PLD5: variants seen among roughly 807,000 people sequenced by gnomAD.
The protein encoded by PLD5 is inactive phospholipase D5.
Under a neutral mutation model 61.1 loss-of-function variants are expected in PLD5, and 36 were observed. That is an observed-to-expected ratio of 0.59 (90% CI 0.45 to 0.78). The LOEUF (loss-of-function observed/expected upper bound fraction) is 0.78, where lower values mean the gene tolerates loss of function less well. Among genes scored for constraint, PLD5 ranks in the 30% least tolerant of loss-of-function variants. The pLI, the probability that PLD5 is intolerant of heterozygous loss-of-function variation, is 0.00. For missense variants in PLD5, 515 were observed against 644.4 expected (o/e 0.80, Z 2.17); for synonymous variants, 243 against 242.8 (o/e 1.00, Z -0.01).
chr1:242,319,845 CT>C (rs1348790517), intron 2 of PLD5, among the ~76,000 whole-genome samples: 3 of 152,342 alleles, frequency 2.0e-5, no homozygotes, highest in South Asian at 2.1e-4. Flanking sequence ...CCTCTACCCC[CT>C]CTCACATGTA....
At chr1:242,475,422 CAAAAAA>C (rs5782239) in intron 1 of PLD5, among the ~76,000 whole-genome samples, 1 of 91,502 alleles carries the variant, frequency 1.1e-5, no homozygotes, top group African/African-American at 4.1e-5. Flanking sequence ...GACTCCGTCT[CAAAAAA>C]AAAAAAAAAA....
chr1:242,276,547 AG>A (rs1254369046), intron 3 of PLD5, among the ~76,000 whole-genome samples: 1 of 150,670 alleles, frequency 6.6e-6, no homozygotes, highest in African/African-American at 2.4e-5. Flanking sequence ...TAAGAGAGAG[AG>A]GGGAATTGGA....
intron 1 of PLD5, among the ~76,000 whole-genome samples, chr1:242,498,784 T>C (rs1346771041): frequency 6.6e-6 from 1 of 152,230 alleles, no homozygotes; most frequent in African/African-American, 2.4e-5. Flanking sequence ...ATCAGTTTAG[T>C]GCCTATTCAC....
rs1318157165 is a variant in PLD5, at chr1:242,281,476, A to C, written c.495+6886T>G. Among the ~76,000 whole-genome samples the C allele has an allele frequency of 5.9e-5, 9 of 152,220 alleles. 1 individual carries two copies. Among genetic ancestry groups the C allele is most frequent in the Admixed American group, 5.9e-4 (9 of 15,288 alleles). On this transcript the variant is annotated intron_variant, in intron 3 of 9. Coordinates refer to ENST00000536534, the MANE Select transcript of PLD5 (RefSeq NM_001372062.1). The stretch of plus-strand genomic sequence containing the variant: ...GGGACTGTAGGTTCAAGAAGACCAC[A>C]TAATTTACTGTGTTTTCAAAATTCA...
At chr1:242,304,398 A>T (rs1259973345) in intron 2 of PLD5, among the ~76,000 whole-genome samples, 1 of 152,224 alleles carries the variant, frequency 6.6e-6, no homozygotes, top group Non-Finnish European at 1.5e-5. Flanking sequence ...TGCTGTTTCC[A>T]GAGGTTTAAA....
chr1:242,291,063 T>C (rs1232438709), intron 2 of PLD5, among the ~76,000 whole-genome samples: 2 of 152,144 alleles, frequency 1.3e-5, no homozygotes, highest in Non-Finnish European at 2.9e-5. Flanking sequence ...CTTTGTGAAT[T>C]CCATACCACA....
At position 242,265,365 on chromosome 1, in the gene PLD5, T is replaced by C. The variant is rs1341127137; in HGVS notation, c.579A>G (p.Ser193=). ...TTAATTTCAAGGCTTCTAATACCTTTGAATCAGCTGTTACATCACTCACTA... is the reference window on the plus strand; with the variant it reads ...TTAATTTCAAGGCTTCTAATACCTTCGAATCAGCTGTTACATCACTCACTA... ...IKLVSDVTAD[S]KVLEALKLKG... The change falls in exon 4 of 10, where the codon TCA becomes TCG. Residue 193 remains serine (S), a synonymous_variant. Transcript: ENST00000536534. 1 of 1,612,318 alleles carries C rather than the reference T, an allele frequency of 6.2e-7. No individual in the cohort carries two copies. The highest frequency in any genetic ancestry group is 1.7e-5 in the Admixed American group (1 of 59,728).
Position 242,084,723 on chromosome 1 carries a change from T to A in PLD5, c.*5131A>T. ...TTCTTTTTCTCACTAAAAATTAATG[T>A]ACTCAGAATGAACATTTATTGGAAA... is the stretch of plus-strand genomic sequence containing the variant. On this transcript the variant is annotated 3_prime_UTR_variant, in exon 10 of 10. Coordinates refer to ENST00000536534, the MANE Select transcript of PLD5 (RefSeq NM_001372062.1). 6.6e-6 allele frequency: 1 copy of A among 150,622 alleles called. No homozygotes were observed. The highest frequency in any genetic ancestry group is 2.0e-4 in the East Asian group (1 of 5,064). The allele number at this position is 150,622 out of a possible 1,614,324, so 9.3% of individuals were successfully genotyped here. A position where few individuals can be genotyped will look rare whatever the true frequency, so the allele number is the denominator to read the frequency against.
intron 1 of PLD5, among the ~76,000 whole-genome samples, chr1:242,459,893 C>T (rs917839609): frequency 1.3e-5 from 2 of 152,084 alleles, no homozygotes; most frequent in Non-Finnish European, 2.9e-5. Flanking sequence ...GCTATAAACG[C>T]CCTCATCTTG....
At position 242,096,996 on chromosome 1, in the gene PLD5, G is replaced by A. The variant is rs529232605; in HGVS notation, c.1354+3672C>T. Among the ~76,000 whole-genome samples, 143 of 151,382 alleles carry A rather than the reference G, an allele frequency of 9.4e-4. 1 individual carries two copies. The highest frequency in any genetic ancestry group is 1.9e-3 in the African/African-American group (77 of 41,226). ...TTCCCACCTATGAGTGAGAACATGC[G>A]GTGTTTGGTTTTTTGTCCTTGTGAT... On this transcript the variant is annotated intron_variant, in intron 9 of 9. Transcript: ENST00000536534.
intron 4 of PLD5, among the ~76,000 whole-genome samples, chr1:242,252,978 G>A (rs55718205): frequency 0.097 from 14,639 of 151,540 alleles, 946 homozygotes; most frequent in Non-Finnish European, 0.15. Flanking sequence ...CACCAAGCCC[G>A]GCTAATTTTT....
chr1:242,315,889 C>A (rs563624492), intron 2 of PLD5, among the ~76,000 whole-genome samples: 1 of 152,282 alleles, frequency 6.6e-6, no homozygotes, highest in South Asian at 2.1e-4. Flanking sequence ...GATAAGACAG[C>A]CTCAGTTCTT....
At chr1:242,339,540 T>C (rs1273481917) in intron 2 of PLD5, among the ~76,000 whole-genome samples, 1 of 152,186 alleles carries the variant, frequency 6.6e-6, no homozygotes, top group Non-Finnish European at 1.5e-5. Context: ...TTACAAAGTT[T>C]TCCCACTCCT....
intron 8 of PLD5, among the ~76,000 whole-genome samples, 161 bp from the exon 9 acceptor site, chr1:242,100,943 C>G (rs1289482701): frequency 6.6e-6 from 1 of 152,102 alleles, no homozygotes; most frequent in Non-Finnish European, 1.5e-5. Context: ...TATTTTTGTT[C>G]TCAAATCTAA....
chr1:242,130,708 G>A (rs185764298), intron 5 of PLD5, among the ~76,000 whole-genome samples: 153 of 152,228 alleles, frequency 1.0e-3, no homozygotes, highest in African/African-American at 3.6e-3. Context: ...CTCTGTGGCC[G>A]ACCACACGCC....
chr1:242,295,859 T>C (rs1675623383), intron 2 of PLD5, among the ~76,000 whole-genome samples: 1 of 152,192 alleles, frequency 6.6e-6, no homozygotes, highest in African/African-American at 2.4e-5. Flanking sequence ...TGGTATCGCA[T>C]TGTGGTTTTA....
chr1:242,494,768 C>G (rs1381206176), intron 1 of PLD5, among the ~76,000 whole-genome samples: 1 of 152,086 alleles, frequency 6.6e-6, no homozygotes, highest in East Asian at 1.9e-4. Context: ...TTTATGAGGG[C>G]TCTTCCATAA....
In PLD5 at chr1:242,151,324, T is replaced by C. The variant is rs1175331874; in HGVS notation, c.736-26659A>G. ...GAACTTCCTTTAACATCTTATGTAG[T>C]GCAGCTCTGTTGGTAATACAGTTTC... On this transcript the variant is annotated intron_variant, in intron 5 of 9. Transcript: ENST00000536534. Among the ~76,000 whole-genome samples the C allele has an allele frequency of 9.9e-5, 15 of 152,140 alleles. 1 individual carries two copies. Among genetic ancestry groups the C allele is most frequent in the Admixed American group, 6.5e-5 (1 of 15,268 alleles).
intron 1 of PLD5, among the ~76,000 whole-genome samples, chr1:242,461,582 T>C (rs564706648): frequency 2.0e-5 from 3 of 152,340 alleles, no homozygotes; most frequent in Admixed American, 2.0e-4. Flanking sequence ...AATAGAGTGA[T>C]TTATCTTCCT....
Sources: gnomAD v4.1 joint callset for allele counts (sites outside exome capture counted in the v4.1 genomes callset) on GRCh38, gnomAD v4.1.1 for gene constraint, MANE v1.5 for transcripts, NCBI Gene and HGNC (gene_info 2026-07-23, HGNC 2026-07-21) for gene names.